Variants in ERO1A observed in about 807,000 individuals in gnomAD.
The protein encoded by ERO1A is ERO1-like protein alpha.
ERO1A carries 49 observed loss-of-function variants against 76.9 expected under a neutral mutation model. The ratio of observed to expected loss-of-function variants is 0.64; its 90% CI spans 0.51 to 0.81. The LOEUF (loss-of-function observed/expected upper bound fraction) is 0.81, where lower values mean the gene tolerates loss of function less well. Among genes scored for constraint, ERO1A ranks in the 30% least tolerant of loss-of-function variants. ERO1A has a pLI of 0.00. For synonymous variants in ERO1A, 174 were observed against 181.2 expected, an observed-to-expected ratio of 0.96 and a Z score of 0.32; for missense variants, 448 against 542.1, an observed-to-expected ratio of 0.83 and a Z score of 1.72.
intron 9 of ERO1A, chr14:52,658,484 T>C (rs2040124973): frequency 5.1e-6 from 1 of 197,838 alleles, no homozygotes; most frequent in African/African-American, 2.3e-5. Flanking sequence ...CTAGCCTTGA[T>C]AACAATTCAT....
chr14:52,666,370 C>A lies in ERO1A; in HGVS notation c.629+5G>T. 1 of 1,582,418 alleles carries A rather than the reference C, an allele frequency of 6.3e-7. No homozygotes were observed. Among genetic ancestry groups the A allele is most frequent in the Non-Finnish European group, 8.6e-7 (1 of 1,167,434 alleles). ...GGAATTTTTCTAAATGAAAATGACA[C>A]ATACTTAAAACAGTTTTCTTCGTAG... is the stretch of plus-strand genomic sequence containing the variant. On this transcript the variant is annotated splice_donor_5th_base_variant and intron_variant, in intron 7 of 15. Transcript: ENST00000395686.
intron 1 of ERO1A, among the ~76,000 whole-genome samples, chr14:52,694,746 C>T (rs2041489675): frequency 6.6e-6 from 1 of 152,152 alleles, no homozygotes; most frequent in Non-Finnish European, 1.5e-5. Context: ...GGACCTTCCT[C>T]CCAATTCGTA....
At chr14:52,679,378 A>T (rs1417870015) in intron 3 of ERO1A, among the ~76,000 whole-genome samples, 3 of 152,032 alleles carry the variant, frequency 2.0e-5, no homozygotes, top group Non-Finnish European at 4.4e-5. Context: ...CTGTATTTAT[A>T]AACTAAGAAT....
intron 13 of ERO1A, among the ~76,000 whole-genome samples, chr14:52,647,290 G>A (rs2139627961): frequency 6.6e-6 from 1 of 150,758 alleles, no homozygotes; most frequent in East Asian, 2.0e-4. Flanking sequence ...GTGAGCCACT[G>A]TGCCCAGCCC....
chr14:52,648,410 T>C (rs561550025), intron 13 of ERO1A, among the ~76,000 whole-genome samples: 1 of 152,246 alleles, frequency 6.6e-6, no homozygotes, highest in African/African-American at 2.4e-5. Context: ...CTATGAGCTG[T>C]TGACTTCCAG....
chr14:52,682,196 C>A, intron 3 of ERO1A, 129 bp downstream of exon 3: 1 of 666,370 alleles, frequency 1.5e-6, no homozygotes, highest in Non-Finnish European at 2.5e-6. Context: ...AAATTCAAGA[C>A]CAACCTGGGC....
chr14:52,695,504 C>T lies in ERO1A; in HGVS notation c.-23G>A. On this transcript the variant is annotated 5_prime_UTR_variant, in exon 1 of 16. Coordinates refer to ENST00000395686, the MANE Select transcript of ERO1A (RefSeq NM_014584.3). Reference sequence around the variant, plus strand: ...CATTGCAGCTCCGGCAGCTTGTCGCCCCACGCTTGGGAGGCCAGTCCGCAC... The same window carrying T: ...CATTGCAGCTCCGGCAGCTTGTCGCTCCACGCTTGGGAGGCCAGTCCGCAC... The T allele has an allele frequency of 6.8e-7, 1 of 1,468,542 alleles. No individual in the cohort carries two copies. Among genetic ancestry groups the T allele is most frequent in the Middle Eastern group, 1.9e-4 (1 of 5,356 alleles). 91.0% of individuals were successfully genotyped at this position (1,468,542 alleles called of 1,614,324 possible).
intron 8 of ERO1A, among the ~76,000 whole-genome samples, chr14:52,663,194 T>A (rs1367665873): frequency 6.6e-6 from 1 of 152,182 alleles, no homozygotes; most frequent in Non-Finnish European, 1.5e-5. Context: ...TATTTATTTA[T>A]CTGTGGGATT....
intron 4 of ERO1A, among the ~76,000 whole-genome samples, chr14:52,674,333 T>C (rs2040709606): frequency 6.6e-6 from 1 of 152,136 alleles, no homozygotes. Flanking sequence ...GCTAGGACTA[T>C]GGGCATGCAC....
chr14:52,670,963 G>A (rs1225923896), intron 6 of ERO1A, among the ~76,000 whole-genome samples: 3 of 152,114 alleles, frequency 2.0e-5, no homozygotes, highest in African/African-American at 7.2e-5. Flanking sequence ...AACTTTTCCA[G>A]CACCTCAAAC....
At chr14:52,663,527 G>C (rs899635188) in intron 8 of ERO1A, among the ~76,000 whole-genome samples, 1 of 151,526 alleles carries the variant, frequency 6.6e-6, no homozygotes, top group Non-Finnish European at 1.5e-5. Flanking sequence ...GTGAACCCGG[G>C]AGGCGAAGTT....
chr14:52,662,972 C>T (rs922261116), intron 8 of ERO1A, among the ~76,000 whole-genome samples: 3 of 152,052 alleles, frequency 2.0e-5, no homozygotes, highest in East Asian at 3.8e-4. Flanking sequence ...TAAAAACAAA[C>T]GCATGCATCA....
chr14:52,663,991 G>A, intron 7 of ERO1A, 144 bp from the exon 8 acceptor site: 1 of 499,076 alleles, frequency 2.0e-6, no homozygotes, highest in South Asian at 3.1e-5. Flanking sequence ...TCCTCTAATT[G>A]CTTTAAGGGA....
intron 8 of ERO1A, among the ~76,000 whole-genome samples, chr14:52,661,688 C>T (rs2040238311): frequency 6.6e-6 from 1 of 152,140 alleles, no homozygotes; most frequent in Non-Finnish European, 1.5e-5. Context: ...AATGTAGTTT[C>T]TGTTAAATAT....
chr14:52,662,886 T>C (rs1463510718), intron 8 of ERO1A, among the ~76,000 whole-genome samples: 1 of 152,140 alleles, frequency 6.6e-6, no homozygotes. Context: ...GGCAGAGTAC[T>C]AGGGTAGATC....
intron 11 of ERO1A, among the ~76,000 whole-genome samples, chr14:52,656,853 G>T (rs2040067539): frequency 6.6e-6 from 1 of 152,112 alleles, no homozygotes; most frequent in Admixed American, 6.6e-5. Flanking sequence ...TTGAGCTCAG[G>T]AGTTCAAGAC....
chr14:52,658,076 CAT>C (rs761618726), intron 10 of ERO1A, 46 bp downstream of exon 10: 18 of 1,500,094 alleles, frequency 1.2e-5, no homozygotes, highest in Non-Finnish European at 1.6e-5. Flanking sequence ...AAATTAATCT[CAT>C]GAGAAAAAAA....
intron 1 of ERO1A, among the ~76,000 whole-genome samples, chr14:52,687,295 T>C (rs555405798): frequency 1.3e-5 from 2 of 152,140 alleles, no homozygotes; most frequent in East Asian, 1.9e-4. Context: ...CCAGGCATGG[T>C]GGCATACGCC....
chr14:52,643,503 C>T lies in ERO1A; in HGVS notation c.*67G>A. The T allele has an allele frequency of 9.6e-7, 1 of 1,040,626 alleles. No individual in the cohort carries two copies. The highest frequency in any genetic ancestry group is 1.7e-5 in the African/African-American group (1 of 58,618). The allele number at this position is 1,040,626 out of a possible 1,614,324, so 64.5% of individuals were successfully genotyped here. ...GCTTAAGACTGTCATTGCTATTATG[C>T]CTTTGAATGAAATTCCACTCTTTCG... On this transcript the variant is annotated 3_prime_UTR_variant, in exon 16 of 16. Transcript: ENST00000395686.
Sources: gnomAD v4.1 joint callset for allele counts (sites outside exome capture counted in the v4.1 genomes callset) on GRCh38, gnomAD v4.1.1 for gene constraint, MANE v1.5 for transcripts, NCBI Gene and HGNC (gene_info 2026-07-23, HGNC 2026-07-21) for gene names.